Variants in SFMBT2 observed in about 807,000 individuals in gnomAD.
The protein encoded by SFMBT2 is scm-like with four MBT domains protein 2.
SFMBT2 carries 38 observed loss-of-function variants against 110.1 expected under a neutral mutation model. The ratio of observed to expected loss-of-function variants is 0.35; its 90% CI spans 0.27 to 0.45. The LOEUF is 0.45. Among genes scored for constraint, SFMBT2 ranks in the 20% least tolerant of loss-of-function variants. The pLI, the probability that SFMBT2 is intolerant of heterozygous loss-of-function variation, is 1.00. For synonymous variants in SFMBT2, 425 were observed against 425.4 expected (o/e 1.00, Z 0.01); for missense variants, 1,011 against 1,094.9 (o/e 0.92, Z 1.08).
chr10:7,371,786 C>T (rs1329862705), intron 2 of SFMBT2, among the ~76,000 whole-genome samples: 1 of 152,114 alleles, frequency 6.6e-6, no homozygotes, highest in Non-Finnish European at 1.5e-5. Context: ...TGTCACTGGC[C>T]AAGAGTAAAT....
Position 7,176,022 on chromosome 10 carries a change from T to A in SFMBT2, c.1952A>T (p.Glu651Val), listed in dbSNP as rs1475486370. 6.2e-7 allele frequency: 1 copy of A among 1,614,226 alleles called. No homozygotes were observed. The highest frequency in any genetic ancestry group is 2.2e-5 in the East Asian group (1 of 44,886). Residue 651 changes from glutamate to valine, a missense_variant, in exon 17 of 21, where the codon GAG (glutamate) becomes GTG (valine). Glu to Val is a moderately radical substitution (Grantham distance 121). Coordinates refer to ENST00000397167, the MANE Select transcript of SFMBT2 (RefSeq NM_001387889.1). ...SPVLISENCP[E>V]NCSIHTKTKY... ...GGTTTTGGTATGAATGGAGCAGTTC[T>A]CTGGGCAGTTTTCAGATATCAGCAC... is the stretch of plus-strand genomic sequence containing the variant.
chr10:7,230,727 G>A (rs948464768), intron 9 of SFMBT2, among the ~76,000 whole-genome samples: 8 of 152,206 alleles, frequency 5.3e-5, no homozygotes, highest in Non-Finnish European at 1.2e-4. Flanking sequence ...GAGGTCAGGA[G>A]TTTGAGAACA....
chr10:7,284,910 T>C (rs959230706), intron 5 of SFMBT2: 7 of 152,256 alleles, frequency 4.6e-5, no homozygotes, highest in Non-Finnish European at 7.3e-5. Flanking sequence ...AAGGATGAAC[T>C]ATCATCATTT....
rs190006883 is a variant in SFMBT2, at chr10:7,328,620, T to A, written c.436+39029A>T. Among the ~76,000 whole-genome samples the A allele has an allele frequency of 6.1e-4, 93 of 152,362 alleles. No individual in the cohort carries two copies. In the East Asian group the frequency reaches 0.017, roughly 27 times the overall value. On this transcript the variant is annotated intron_variant, in intron 4 of 20. Coordinates refer to ENST00000397167, the MANE Select transcript of SFMBT2 (RefSeq NM_001387889.1). The stretch of plus-strand genomic sequence containing the variant: ...CTATAATCTGTTGAGTTAATTTTTA[T>A]ATAATGTGTTAATCCACTTTTAATT...
In SFMBT2 at chr10:7,173,384, T is replaced by G. The variant is rs555371428; in HGVS notation, c.1985-723A>C. On this transcript the variant is annotated intron_variant, in intron 17 of 20. Transcript: ENST00000397167. The stretch of plus-strand genomic sequence containing the variant: ...ACTGGGTGAACATCTGCTGGCGTGG[T>G]CCTGGCATGAGGGACTCCCCCAGCT... Among the ~76,000 whole-genome samples the G allele has an allele frequency of 3.9e-5, 6 of 152,288 alleles. No individual in the cohort carries two copies. In the South Asian group the frequency reaches 1.2e-3, roughly 32 times the overall value.
intron 4 of SFMBT2, among the ~76,000 whole-genome samples, chr10:7,289,714 C>A (rs1294515855): frequency 6.6e-6 from 1 of 152,184 alleles, no homozygotes; most frequent in Non-Finnish European, 1.5e-5. Flanking sequence ...GCTCTCAAAG[C>A]TCTAATATTC....
At chr10:7,232,168 C>A (rs1219239111) in intron 9 of SFMBT2, among the ~76,000 whole-genome samples, 1 of 152,190 alleles carries the variant, frequency 6.6e-6, no homozygotes, top group Admixed American at 6.5e-5. Context: ...GAAGTTTCAA[C>A]CCTTACAGGT....
At chr10:7,340,254 G>A (rs1255571927) in intron 4 of SFMBT2, among the ~76,000 whole-genome samples, 1 of 152,128 alleles carries the variant, frequency 6.6e-6, no homozygotes, top group African/African-American at 2.4e-5. Flanking sequence ...GCGGATGATC[G>A]TAAAGGTCTT....
chr10:7,359,622 G>A (rs866694911), intron 4 of SFMBT2, among the ~76,000 whole-genome samples: 5 of 152,136 alleles, frequency 3.3e-5, no homozygotes, highest in East Asian at 1.9e-4. Context: ...TTCATGTAGC[G>A]CAGAAAAACC....
intron 4 of SFMBT2, among the ~76,000 whole-genome samples, chr10:7,311,200 CA>C (rs1842848842): frequency 6.6e-6 from 1 of 151,300 alleles, no homozygotes; most frequent in Non-Finnish European, 1.5e-5. Context: ...TGTAATTGTA[CA>C]CAGAACAAAT....
chr10:7,292,189 C>T (rs958243004), intron 4 of SFMBT2: 3 of 226,340 alleles, frequency 1.3e-5, no homozygotes, highest in Non-Finnish European at 2.2e-5. Flanking sequence ...ACAAGAGAAC[C>T]GAGCCTTCTC....
At chr10:7,199,177 C>T (rs1838872857) in intron 14 of SFMBT2, among the ~76,000 whole-genome samples, 1 of 152,080 alleles carries the variant, frequency 6.6e-6, no homozygotes, top group Non-Finnish European at 1.5e-5. Context: ...CAAGGTCTCA[C>T]CATGTTGGCC....
chr10:7,217,074 C>T (rs1839566547), intron 11 of SFMBT2, among the ~76,000 whole-genome samples: 1 of 152,160 alleles, frequency 6.6e-6, no homozygotes, highest in Admixed American at 6.5e-5. Flanking sequence ...TTGTAAAAGG[C>T]CATTTTCAGA....
At chr10:7,195,631 G>A (rs898307180) in intron 15 of SFMBT2, among the ~76,000 whole-genome samples, 1 of 152,140 alleles carries the variant, frequency 6.6e-6, no homozygotes, top group Non-Finnish European at 1.5e-5. Flanking sequence ...GGTGCTGTGA[G>A]GATCCTCTCC....
intron 9 of SFMBT2, among the ~76,000 whole-genome samples, chr10:7,239,010 G>A (rs1289434060): frequency 6.6e-6 from 1 of 152,104 alleles, no homozygotes; most frequent in African/African-American, 2.4e-5. Context: ...TACACAGAAA[G>A]CCACACTGAA....
intron 1 of SFMBT2, among the ~76,000 whole-genome samples, chr10:7,407,801 A>C (rs1391919170): frequency 1.3e-5 from 2 of 152,216 alleles, no homozygotes; most frequent in Non-Finnish European, 2.9e-5. Context: ...AACGCCATCA[A>C]CCACGAGCAC....
intron 7 of SFMBT2, among the ~76,000 whole-genome samples, chr10:7,258,660 A>G (rs765611068): frequency 1.3e-5 from 2 of 152,222 alleles, no homozygotes; most frequent in Non-Finnish European, 2.9e-5. Flanking sequence ...TCGTATCAGC[A>G]TGCCAGGTCC....
At chr10:7,306,006 T>C (rs752016974) in intron 4 of SFMBT2, among the ~76,000 whole-genome samples, 3 of 152,262 alleles carry the variant, frequency 2.0e-5, no homozygotes, top group Non-Finnish European at 4.4e-5. Context: ...ATTTATTTAC[T>C]AAACTCTAAG....
At chr10:7,251,856 G>A (rs1840822393) in intron 7 of SFMBT2, among the ~76,000 whole-genome samples, 1 of 152,094 alleles carries the variant, frequency 6.6e-6, no homozygotes, top group South Asian at 2.1e-4. Context: ...CCTGAGGTCT[G>A]GTGCACGGGG....
Sources: allele counts gnomAD v4.1 joint callset (sites outside exome capture counted in the v4.1 genomes callset), GRCh38; gene constraint gnomAD v4.1.1; transcripts MANE v1.5; gene names NCBI Gene and HGNC (gene_info 2026-07-23, HGNC 2026-07-21).